Variants in NPM1 observed in about 807,000 individuals in gnomAD.
NPM1 encodes the protein nucleophosmin 1.
In NPM1, 1 loss-of-function variant was observed where a neutral mutation model predicts 44.1. That is an observed-to-expected ratio of 0.02 (90% CI 0.01 to 0.11). The LOEUF (loss-of-function observed/expected upper bound fraction) is 0.11. Among genes scored for constraint, NPM1 ranks in the 10% least tolerant of loss-of-function variants. The pLI, the probability that NPM1 is intolerant of heterozygous loss-of-function variation, is 1.00. For synonymous variants in NPM1, 126 were observed against 111.8 expected, an observed-to-expected ratio of 1.13 and a Z score of -0.80; for missense variants, 197 against 347.8, an observed-to-expected ratio of 0.57 and a Z score of 3.45.
chr5:171,404,465 G>C (rs1346500184), intron 8 of NPM1, among the ~76,000 whole-genome samples: 1 of 83,980 alleles, frequency 1.2e-5, no homozygotes, highest in South Asian at 5.1e-4. Flanking sequence ...ACGGGGTCTC[G>C]GCCGGGCAGA....
upstream of NPM1, chr5:171,387,676 A>C (rs1770289390): frequency 2.1e-6 from 1 of 487,010 alleles, no homozygotes; most frequent in South Asian, 2.7e-5. Flanking sequence ...GAGCCCGCGG[A>C]GTACCTGGAA....
intron 8 of NPM1, among the ~76,000 whole-genome samples, chr5:171,402,016 G>A (rs1166585313): frequency 1.4e-5 from 2 of 144,186 alleles, no homozygotes; most frequent in Non-Finnish European, 3.0e-5. Context: ...AGACTACAGT[G>A]ACTTTCTTGC....
At chr5:171,401,427 CG>C (rs1188797295) in intron 8 of NPM1, among the ~76,000 whole-genome samples, 1 of 151,660 alleles carries the variant, frequency 6.6e-6, no homozygotes, top group Non-Finnish European at 1.5e-5. Flanking sequence ...GGTGGTGGGG[CG>C]GGGGGAGCCA....
chr5:171,408,368 A>G (rs895329489), intron 10 of NPM1, among the ~76,000 whole-genome samples: 11 of 152,190 alleles, frequency 7.2e-5, no homozygotes, highest in African/African-American at 2.7e-4. Flanking sequence ...TGTAAGGACA[A>G]TGTAAAAGTG....
At chr5:171,408,509 T>C (rs1342563071) in intron 10 of NPM1, among the ~76,000 whole-genome samples, 2 of 152,194 alleles carry the variant, frequency 1.3e-5, no homozygotes, top group Non-Finnish European at 2.9e-5. Context: ...TCTGCCATAG[T>C]ATTTTGCACT....
In NPM1 at chr5:171,404,830, C is replaced by T. The variant is rs192804463; in HGVS notation, c.670-472C>T. On this transcript the variant is annotated intron_variant, in intron 8 of 10. Coordinates refer to ENST00000296930, the MANE Select transcript of NPM1 (RefSeq NM_002520.7). ...AGTGAGCCGAGATCACGCCACTGCA[C>T]TCCAGCCTGGGCACCATTGAGCACT... Among the ~76,000 whole-genome samples the T allele has an allele frequency of 6.6e-3, 997 of 152,026 alleles. 6 individuals carry two copies. The highest frequency in any genetic ancestry group is 0.023 in the African/African-American group (949 of 41,464).
In NPM1 at chr5:171,387,850, T is replaced by C. The variant is rs112023099; in HGVS notation, c.-99T>C. ...ATATAAGCGCGGGGAGCCTGCGTCC[T>C]TTCCCTGGTGTGATTCCGTCCTGCG... On this transcript the variant is annotated 5_prime_UTR_variant, in exon 1 of 11. Coordinates refer to ENST00000296930, the MANE Select transcript of NPM1 (RefSeq NM_002520.7). 1 of 1,156,368 alleles carries C rather than the reference T, an allele frequency of 8.6e-7. No homozygotes were observed. Among genetic ancestry groups the C allele is most frequent in the Non-Finnish European group, 1.3e-6 (1 of 775,138 alleles). The allele number at this position is 1,156,368 out of a possible 1,614,324, so 71.6% of individuals were successfully genotyped here.
chr5:171,409,409 G>C (rs530064253), intron 10 of NPM1, among the ~76,000 whole-genome samples: 2 of 152,198 alleles, frequency 1.3e-5, no homozygotes, highest in Admixed American at 1.3e-4. Context: ...AAATTTAGCT[G>C]GGCATGGTGG....
At chr5:171,400,078 C>T in intron 6 of NPM1, 75 bp from the exon 7 acceptor site, 1 of 868,354 alleles carries the variant, frequency 1.2e-6, no homozygotes, top group Admixed American at 1.8e-5. Context: ...ATAATCACTT[C>T]AAGGTCCTGC....
chr5:171,403,688 T>A (rs1771380704), intron 8 of NPM1, among the ~76,000 whole-genome samples: 1 of 142,072 alleles, frequency 7.0e-6, no homozygotes, highest in African/African-American at 2.6e-5. Flanking sequence ...GGCGGGGGGC[T>A]GACCCCCCCA....
chr5:171,401,526 T>A (rs1771199595), intron 8 of NPM1, among the ~76,000 whole-genome samples: 2 of 152,036 alleles, frequency 1.3e-5, no homozygotes, highest in Admixed American at 1.3e-4. Context: ...AACCTTCACT[T>A]CCCGGGTTCA....
intron 4 of NPM1, 63 bp downstream of exon 4, chr5:171,391,862 C>T (rs1770591102): frequency 3.0e-6 from 3 of 986,064 alleles, no homozygotes; most frequent in African/African-American, 1.6e-5. Context: ...GCTTGGTTCC[C>T]AGTTTGGACT....
In NPM1 at chr5:171,400,935, T is replaced by C; in HGVS notation, c.669+10T>C. The C allele has an allele frequency of 1.9e-6, 3 of 1,558,166 alleles. No individual in the cohort carries two copies. Among genetic ancestry groups the C allele is most frequent in the Non-Finnish European group, 2.7e-6 (3 of 1,130,028 alleles). Reference sequence around the variant, plus strand: ...AACACCAAGATCAAAAGTAAGTGGCTACATTTACACGTGGGTCTCATTGAT... The same window carrying C: ...AACACCAAGATCAAAAGTAAGTGGCCACATTTACACGTGGGTCTCATTGAT... On this transcript the variant is annotated intron_variant, in intron 8 of 10. Coordinates refer to ENST00000296930, the MANE Select transcript of NPM1 (RefSeq NM_002520.7).
At chr5:171,395,419 C>T (rs975829572) in intron 6 of NPM1, among the ~76,000 whole-genome samples, 17 of 152,054 alleles carry the variant, frequency 1.1e-4, no homozygotes, top group African/African-American at 4.1e-4. Flanking sequence ...CCTGCCTCGG[C>T]CTCCAGAGTA....
chr5:171,406,359 C>A, intron 9 of NPM1: 1 of 1,572,218 alleles, frequency 6.4e-7, no homozygotes, highest in Non-Finnish European at 8.7e-7. Context: ...CCCTCCCCTC[C>A]ATTTTAATAT....
At chr5:171,398,691 G>C (rs1038347079) in intron 6 of NPM1, among the ~76,000 whole-genome samples, 4 of 152,078 alleles carry the variant, frequency 2.6e-5, no homozygotes, top group Admixed American at 1.3e-4. Context: ...GAATTCGCTT[G>C]AACCTGGGAG....
chr5:171,387,878 G>C lies in NPM1; in HGVS notation c.-71G>C, dbSNP rs907846826. 2.8e-6 allele frequency: 4 copies of C among 1,430,248 alleles called. No individual in the cohort carries two copies. Among genetic ancestry groups the C allele is most frequent in the South Asian group, 2.3e-5 (2 of 86,816 alleles). The allele number at this position is 1,430,248 out of a possible 1,614,324, so 88.6% of individuals were successfully genotyped here. A position where few individuals can be genotyped will look rare whatever the true frequency, so the allele number is the denominator to read the frequency against. On this transcript the variant is annotated 5_prime_UTR_variant, in exon 1 of 11. Transcript: ENST00000296930. ...CCCTGGTGTGATTCCGTCCTGCGCG[G>C]TTGTTCTCTGGAGCAGCGTTCTTTT... is the stretch of plus-strand genomic sequence containing the variant.
At chr5:171,401,582 G>A (rs547587025) in intron 8 of NPM1, among the ~76,000 whole-genome samples, 5 of 152,198 alleles carry the variant, frequency 3.3e-5, no homozygotes, top group African/African-American at 9.6e-5. Context: ...GACTACATGC[G>A]CGTGCCACCA....
At chr5:171,393,545 A>G (rs1013944079) in intron 6 of NPM1, among the ~76,000 whole-genome samples, 1 of 152,234 alleles carries the variant, frequency 6.6e-6, no homozygotes, top group Admixed American at 6.5e-5. Flanking sequence ...AACTATTGTT[A>G]CAAACAGTTA....
Sources: gnomAD v4.1 joint callset for allele counts (sites outside exome capture counted in the v4.1 genomes callset) on GRCh38, gnomAD v4.1.1 for gene constraint, MANE v1.5 for transcripts, NCBI Gene and HGNC (gene_info 2026-07-23, HGNC 2026-07-21) for gene names.